Variants in NUMA1 observed in about 807,000 individuals in gnomAD.
NUMA1 encodes nuclear mitotic apparatus protein 1, also known as SP-H antigen.
Under a neutral mutation model 237.1 loss-of-function variants are expected in NUMA1, and 62 were observed. That is an observed-to-expected ratio of 0.26 (90% confidence interval 0.21 to 0.32). The LOEUF (loss-of-function observed/expected upper bound fraction) is 0.32, where lower values mean the gene tolerates loss of function less well. NUMA1 is among the 10% of genes least tolerant of loss of function. The pLI, the probability that NUMA1 is intolerant of heterozygous loss-of-function variation, is 1.00. For missense variants in NUMA1, 2,533 were observed against 2,666.5 expected (o/e 0.95, Z 1.10); for synonymous variants, 1,028 against 1,066.1 (o/e 0.96, Z 0.70).
intron 2 of NUMA1, among the ~76,000 whole-genome samples, chr11:72,057,968 G>A (rs900845984): frequency 1.3e-5 from 2 of 151,714 alleles, no homozygotes; most frequent in Middle Eastern, 3.2e-3. Flanking sequence ...CTACTAGGGA[G>A]GCTGAGGCAG....
Position 72,004,027 on chromosome 11 carries a change from G to A in NUMA1, c.6196C>T (p.Arg2066Trp), listed in dbSNP as rs745630935. 1.1e-5 allele frequency: 18 copies of A among 1,613,596 alleles called. No homozygotes were observed. The highest frequency in any genetic ancestry group is 8.8e-5 in the South Asian group (8 of 91,044). Reference sequence around the variant, plus strand: ...GACAGGGCCTTCTTTGAGGCTCCCCGCCGCAGAAGGCTGTTCCCTAGCTTC... The same window carrying A: ...GACAGGGCCTTCTTTGAGGCTCCCCACCGCAGAAGGCTGTTCCCTAGCTTC... ...PKKLGNSLLRRGASKKALSKA... is the reference protein window; with the variant it reads ...PKKLGNSLLRWGASKKALSKA... The change falls in exon 26 of 27, where the codon CGG becomes TGG. Residue 2066 changes from arginine (R) to tryptophan (W), a missense_variant. By Grantham distance (101) the Arg-to-Trp change is moderately radical. Coordinates refer to ENST00000393695, the MANE Select transcript of NUMA1 (RefSeq NM_006185.4).
At position 72,015,596 on chromosome 11, in the gene NUMA1, G is replaced by A. The variant is rs754501514; in HGVS notation, c.1907C>T (p.Thr636Ile). The stretch of plus-strand genomic sequence containing the variant: ...CTCCCGCTGGGCCTGTGTCACTGAG[G>A]TCTGGGCACTGTCCCGGGCTTCATT... Reference protein sequence around the residue: ...VANEARDSAQTSVTQAQREKA... With the variant: ...VANEARDSAQISVTQAQREKA... Residue 636 changes from threonine (T) to isoleucine (I), a missense_variant, in exon 15 of 27, where the codon ACC becomes ATC. Physicochemically the swap from Thr to Ile is moderately conservative, Grantham distance 89. This residue lies in a region of NUMA1 where 1,414 missense variants were observed against 1,508.1 expected (regional missense o/e 0.94). Coordinates refer to ENST00000393695, the MANE Select transcript of NUMA1 (RefSeq NM_006185.4). The surrounding 1 kb of genome is among the most constrained non-coding windows in gnomAD (Gnocchi z 4.0). 19 of 1,613,660 alleles carry A rather than the reference G, an allele frequency of 1.2e-5. No homozygotes were observed. The East Asian group carries it at 4.2e-4, about 36-fold the overall frequency.
chr11:72,039,478 G>C lies in NUMA1; in HGVS notation c.-32-3503C>G, dbSNP rs74979669. On this transcript the variant is annotated intron_variant, in intron 2 of 26. Transcript: ENST00000393695. ...CACCAAAGTGACCTTTGGTCCCAGA[G>C]AGTTGTTAAACTATACCGATCTCTC... Among the ~76,000 whole-genome samples, 803 of 152,250 alleles carry C rather than the reference G, an allele frequency of 5.3e-3. 13 individuals carry two copies. The highest frequency in any genetic ancestry group is 0.018 in the African/African-American group (733 of 41,530).
chr11:72,015,932 A>G lies in NUMA1; in HGVS notation c.1571T>C (p.Leu524Pro). Residue 524 changes from leucine to proline, a missense_variant, in exon 15 of 27, where the codon CTG (leucine) becomes CCG (proline). By Grantham distance (98) the Leu-to-Pro change is moderately conservative. This residue lies in a region of NUMA1 where 1,414 missense variants were observed against 1,508.1 expected (regional missense o/e 0.94). Transcript: ENST00000393695. This position sits in a 1 kb window ranked among gnomAD's most constrained non-coding sequence, Gnocchi z 4.0. Reference sequence around the variant, plus strand: ...CTGCTTCTCTTTGGCCTGCTGCTTCAGGCCAGCCAGTTCTTGATCCTGTTG... The same window carrying G: ...CTGCTTCTCTTTGGCCTGCTGCTTCGGGCCAGCCAGTTCTTGATCCTGTTG... ...IQQQDQELAG[L>P]KQQAKEKQAQ... 1 of 1,614,148 alleles carries G rather than the reference A, an allele frequency of 6.2e-7. No individual in the cohort carries two copies. The highest frequency in any genetic ancestry group is 1.1e-5 in the South Asian group (1 of 91,074).
At position 72,009,118 on chromosome 11, in the gene NUMA1, C is replaced by T. The variant is rs374025319; in HGVS notation, c.4907G>A (p.Arg1636Gln). 5.6e-5 allele frequency: 90 copies of T among 1,609,880 alleles called. No individual in the cohort carries two copies. Among genetic ancestry groups the T allele is most frequent in the African/African-American group, 4.8e-4 (36 of 74,342 alleles). ...QQNQELQEQL[R>Q]SLEQLQKENK... ...TTCCTTCTGCAGCTGCTCCAGGCTC[C>T]GCAGCTGCTCCTGCAGCTCTTGGTT... The change falls in exon 19 of 27, where the codon CGG becomes CAG. Residue 1636 changes from arginine to glutamine, a missense_variant. Arg to Gln is a conservative substitution (Grantham distance 43). Transcript: ENST00000393695.
At chr11:72,057,372 C>G (rs1208982236) in intron 2 of NUMA1, among the ~76,000 whole-genome samples, 1 of 152,156 alleles carries the variant, frequency 6.6e-6, no homozygotes, top group Non-Finnish European at 1.5e-5. Context: ...CATATTAATT[C>G]CATATTAAAA....
intron 15 of NUMA1, 51 bp downstream of exon 15, chr11:72,012,844 C>T (rs762172374): frequency 1.2e-5 from 19 of 1,584,252 alleles, no homozygotes; most frequent in Non-Finnish European, 1.3e-5. Flanking sequence ...TCGATGTCCC[C>T]GCGCTCTCAG....
chr11:72,046,884 C>T (rs1438203402), intron 2 of NUMA1, among the ~76,000 whole-genome samples: 6 of 151,794 alleles, frequency 4.0e-5, no homozygotes, highest in African/African-American at 1.5e-4. Flanking sequence ...CACTTGAATC[C>T]GGGAGGCGGA....
chr11:72,004,523 AGAGGGAAAGAGAGGGGGAAGT>A, intron 24 of NUMA1, 96 bp downstream of exon 24: 2 of 1,245,828 alleles, frequency 1.6e-6, no homozygotes, highest in Non-Finnish European at 2.2e-6. Context: ...GCCCTTGGAG[AGAGGGAAAGAGAGGGGGAAGT>A]GAGGGAAGGA....
chr11:72,055,424 C>G (rs531989239), intron 2 of NUMA1, among the ~76,000 whole-genome samples: 1 of 152,102 alleles, frequency 6.6e-6, no homozygotes, highest in Admixed American at 6.6e-5. Flanking sequence ...GGCTCCTAAT[C>G]TGGGGCTCTT....
chr11:72,031,688 C>T (rs562008027), intron 3 of NUMA1, among the ~76,000 whole-genome samples: 1 of 152,118 alleles, frequency 6.6e-6, no homozygotes, highest in East Asian at 1.9e-4. Context: ...CCTGTATGCT[C>T]GCGTAGTCCC....
intron 2 of NUMA1, among the ~76,000 whole-genome samples, chr11:72,050,018 G>C (rs528441458): frequency 6.6e-6 from 1 of 152,010 alleles, no homozygotes; most frequent in African/African-American, 2.4e-5. Flanking sequence ...TACCCTATTA[G>C]GACCCATCCC....
At chr11:72,053,379 T>G (rs1397395522) in intron 2 of NUMA1, among the ~76,000 whole-genome samples, 3 of 152,236 alleles carry the variant, frequency 2.0e-5, no homozygotes, top group Non-Finnish European at 4.4e-5. Flanking sequence ...TGCTCACCGC[T>G]GAATTCTTAG....
chr11:72,005,369 C>T lies in NUMA1; in HGVS notation c.5693G>A (p.Gly1898Glu). 6.2e-7 allele frequency: 1 copy of T among 1,604,274 alleles called. No homozygotes were observed. The highest frequency in any genetic ancestry group is 8.5e-7 in the Non-Finnish European group (1 of 1,175,926). Residue 1898 changes from glycine (G) to glutamate (E), a missense_variant and splice_region_variant, in exon 23 of 27, where the codon GGA (glycine) becomes GAA (glutamate). By Grantham distance (98) the Gly-to-Glu change is moderately conservative (BLOSUM62 -2). Around this residue, in one of 3 missense-constraint regions of NUMA1, gnomAD observed 795 missense variants for 750.8 expected, o/e 1.06. Transcript: ENST00000393695. ...AGTGCCCATGTAGAAGCTGTTCCTT[C>T]CTGTGGAAGGCAGGGAAGTGGGAAC... ...QAGVSSGAPP[G>E]RNSFYMGTCQ...
At position 72,019,076 on chromosome 11, in the gene NUMA1, C is replaced by T. The variant is rs556112585; in HGVS notation, c.585-96G>A. The stretch of plus-strand genomic sequence containing the variant: ...TAAGGGAGCGGGGTCTATGGAAGTG[C>T]GCACTAGCAGCTGGGAGGCCTGTGC... On this transcript the variant is annotated intron_variant, in intron 9 of 26. Coordinates refer to ENST00000393695, the MANE Select transcript of NUMA1 (RefSeq NM_006185.4). 53 of 1,371,972 alleles carry T rather than the reference C, an allele frequency of 3.9e-5. No homozygotes were observed. The East Asian group carries it at 9.5e-4, about 25-fold the overall frequency. The allele number at this position is 1,371,972 out of a possible 1,614,324, so 85.0% of individuals were successfully genotyped here. A position where few individuals can be genotyped will look rare whatever the true frequency, so the allele number is the denominator to read the frequency against.
chr11:72,038,971 G>A (rs930433719), intron 2 of NUMA1, among the ~76,000 whole-genome samples: 15 of 152,158 alleles, frequency 9.9e-5, no homozygotes, highest in African/African-American at 3.6e-4. Flanking sequence ...CAAGGACACA[G>A]AAGCAGTTGC....
At chr11:72,011,054 CAT>C (rs1956125386) in intron 16 of NUMA1, among the ~76,000 whole-genome samples, 200 bp from the exon 17 acceptor site, 1 of 152,186 alleles carries the variant, frequency 6.6e-6, no homozygotes, top group African/African-American at 2.4e-5. Flanking sequence ...CAACCTAACA[CAT>C]AGATGTTGCC....
intron 2 of NUMA1, among the ~76,000 whole-genome samples, chr11:72,055,356 C>T (rs939309331): frequency 2.0e-5 from 3 of 151,954 alleles, no homozygotes; most frequent in African/African-American, 2.4e-5. Context: ...TTAAGTTTAC[C>T]TTGTCTAAGG....
chr11:72,004,848 A>G (rs768447015), intron 23 of NUMA1, 32 bp from the exon 24 acceptor site: 1 of 1,534,560 alleles, frequency 6.5e-7, no homozygotes, highest in East Asian at 2.3e-5. Flanking sequence ...TCAGTGGACC[A>G]TAGCTGTATG....
Sources: gnomAD v4.1 joint callset for allele counts (sites outside exome capture counted in the v4.1 genomes callset) on GRCh38, gnomAD v4.1.1 for gene constraint, gnomAD v4.1.1 regional missense constraint, Gnocchi (gnomAD v3.1) non-coding constraint, MANE v1.5 for transcripts, NCBI Gene and HGNC (gene_info 2026-07-23, HGNC 2026-07-21) for gene names.